Variants in ADGRB3 observed in about 807,000 individuals in gnomAD.
ADGRB3 encodes adhesion G protein-coupled receptor B3.
ADGRB3 carries 37 observed loss-of-function variants against 193.4 expected under a neutral mutation model. That is an observed-to-expected ratio of 0.19 (90% CI 0.15 to 0.25). The LOEUF (loss-of-function observed/expected upper bound fraction) is 0.25. Ranked by LOEUF, ADGRB3 falls within the 10% of genes least tolerant of loss-of-function variation. The probability of loss-of-function intolerance (pLI) is 1.00; values close to 1 mark genes in which losing one functional copy is unlikely to be tolerated. For synonymous variants in ADGRB3, 690 were observed against 644.2 expected, an observed-to-expected ratio of 1.07 and a Z score of -1.08; for missense variants, 1,637 against 1,852.9, an observed-to-expected ratio of 0.88 and a Z score of 2.14.
At chr6:69,093,048 G>A (rs1010113913) in intron 17 of ADGRB3, among the ~76,000 whole-genome samples, 2 of 151,742 alleles carry the variant, frequency 1.3e-5, no homozygotes, top group African/African-American at 2.4e-5. Flanking sequence ...CAGTGGAGGA[G>A]GGGTGGGCAG....
intron 3 of ADGRB3, among the ~76,000 whole-genome samples, chr6:68,899,850 T>G (rs2150232646): frequency 6.6e-6 from 1 of 152,190 alleles, no homozygotes; most frequent in East Asian, 1.9e-4. Context: ...TAAAAATTAC[T>G]AAACAATGTG....
intron 3 of ADGRB3, among the ~76,000 whole-genome samples, chr6:68,827,598 G>A (rs1022629406): frequency 6.6e-6 from 1 of 151,968 alleles, no homozygotes; most frequent in African/African-American, 2.4e-5. Flanking sequence ...ATAAGTGGAG[G>A]AGCTAGTCTT....
chr6:69,116,792 T>C (rs1773544470), intron 17 of ADGRB3, among the ~76,000 whole-genome samples: 3 of 152,356 alleles, frequency 2.0e-5, no homozygotes, highest in Admixed American at 2.0e-4. Context: ...GCTCATTGCC[T>C]GAGGCAGAGC....
chr6:68,990,458 G>A (rs200691742), intron 10 of ADGRB3, among the ~76,000 whole-genome samples: 1 of 152,118 alleles, frequency 6.6e-6, no homozygotes, highest in East Asian at 1.9e-4. Context: ...TAGAGCTGGT[G>A]TTGTCATCTG....
chr6:68,841,421 A>C (rs1254864614), intron 3 of ADGRB3, among the ~76,000 whole-genome samples: 3 of 152,184 alleles, frequency 2.0e-5, no homozygotes, highest in Non-Finnish European at 4.4e-5. Context: ...CCACAATGGA[A>C]TAAAACTATC....
intron 3 of ADGRB3, among the ~76,000 whole-genome samples, chr6:68,695,237 A>C (rs920171719): frequency 1.3e-5 from 2 of 152,066 alleles, no homozygotes; most frequent in African/African-American, 4.8e-5. Context: ...TGAGGCTTTT[A>C]AAAAATGGCT....
chr6:68,855,801 T>C (rs1341795128), intron 3 of ADGRB3, among the ~76,000 whole-genome samples: 1 of 152,128 alleles, frequency 6.6e-6, no homozygotes, highest in Non-Finnish European at 1.5e-5. Flanking sequence ...GGAAGATCGC[T>C]TGAGTCCAGG....
At chr6:69,334,620 G>A (rs1283692271) in intron 24 of ADGRB3, among the ~76,000 whole-genome samples, 3 of 152,088 alleles carry the variant, frequency 2.0e-5, no homozygotes, top group Middle Eastern at 3.2e-3. Context: ...TTGTTATTAC[G>A]CCACATGTGG....
intron 3 of ADGRB3, among the ~76,000 whole-genome samples, chr6:68,650,492 A>G (rs559393574): frequency 1.3e-5 from 2 of 152,284 alleles, no homozygotes; most frequent in South Asian, 4.1e-4. Flanking sequence ...TGACAAAAAC[A>G]AATTACTTCA....
At chr6:68,761,828 A>G (rs1388475925) in intron 3 of ADGRB3, among the ~76,000 whole-genome samples, 1 of 144,298 alleles carries the variant, frequency 6.9e-6, no homozygotes, top group Non-Finnish European at 1.5e-5. Flanking sequence ...GAAAATGGAA[A>G]ATGGAAAATT....
Position 69,361,106 on chromosome 6 carries a change from G to T in ADGRB3, c.3833G>T (p.Arg1278Leu), listed in dbSNP as rs780079804. Residue 1278 changes from arginine (R) to leucine (L), a missense_variant, in exon 29 of 32, where the codon CGG becomes CTG. Transcript: ENST00000370598. ...TTGAAAAAAGAAAATAGTGAATTGC[G>T]GAGAACTGTGTACTTATGTACGGAT... ...PCLKKENSEL[R>L]RTVYLCTDDN... 1 of 1,612,744 alleles carries T rather than the reference G, an allele frequency of 6.2e-7. No individual in the cohort carries two copies. The highest frequency in any genetic ancestry group is 8.5e-7 in the Non-Finnish European group (1 of 1,179,212).
chr6:69,021,563 A>C (rs1037323189), intron 13 of ADGRB3, among the ~76,000 whole-genome samples: 1 of 152,066 alleles, frequency 6.6e-6, no homozygotes, highest in South Asian at 2.1e-4. Flanking sequence ...CAATAATAAC[A>C]AAGAAATACT....
At chr6:69,193,953 C>T (rs1765249087) in intron 17 of ADGRB3, among the ~76,000 whole-genome samples, 1 of 151,890 alleles carries the variant, frequency 6.6e-6, no homozygotes, top group Non-Finnish European at 1.5e-5. Flanking sequence ...TTAATTTTTT[C>T]CAGCTACCAT....
intron 3 of ADGRB3, among the ~76,000 whole-genome samples, chr6:68,704,403 A>G (rs1364826485): frequency 6.6e-6 from 1 of 152,208 alleles, no homozygotes; most frequent in East Asian, 1.9e-4. Flanking sequence ...AGCTATTTTT[A>G]ACAGCAACAA....
chr6:69,354,367 G>A, intron 27 of ADGRB3, 39 bp downstream of exon 27: 1 of 1,501,154 alleles, frequency 6.7e-7, no homozygotes, highest in Non-Finnish European at 9.3e-7. Flanking sequence ...ATTAACTCAT[G>A]ATTTCTCAAG....
chr6:69,237,702 A>T (rs1416852280), intron 19 of ADGRB3, among the ~76,000 whole-genome samples: 2 of 152,080 alleles, frequency 1.3e-5, no homozygotes, highest in Non-Finnish European at 2.9e-5. Context: ...AACCCTTTTC[A>T]TAATGTCATC....
intron 17 of ADGRB3, among the ~76,000 whole-genome samples, chr6:69,090,016 C>T (rs887901423): frequency 6.6e-6 from 1 of 152,168 alleles, no homozygotes; most frequent in Non-Finnish European, 1.5e-5. Context: ...GTACTGTGTG[C>T]ATTTTTGTTT....
At chr6:68,797,921 T>G (rs1256300648) in intron 3 of ADGRB3, among the ~76,000 whole-genome samples, 1 of 152,194 alleles carries the variant, frequency 6.6e-6, no homozygotes, top group Non-Finnish European at 1.5e-5. Flanking sequence ...TATTTCAGTT[T>G]GACTCGTTCT....
At chr6:68,636,805 A>G (rs1196929427) in intron 1 of ADGRB3, among the ~76,000 whole-genome samples, 1 of 152,166 alleles carries the variant, frequency 6.6e-6, no homozygotes, top group Admixed American at 6.5e-5. Context: ...GAAAAGACAT[A>G]CGACCTCTTT....
Sources: gnomAD v4.1 joint callset for allele counts (sites outside exome capture counted in the v4.1 genomes callset) on GRCh38, gnomAD v4.1.1 for gene constraint, MANE v1.5 for transcripts, NCBI Gene and HGNC (gene_info 2026-07-23, HGNC 2026-07-21) for gene names.